Variants in PTGER3 observed in about 807,000 individuals in gnomAD.
PTGER3 encodes the protein prostaglandin E receptor 3.
In PTGER3, 22 loss-of-function variants were observed where a neutral mutation model predicts 34.7. That is an observed-to-expected ratio of 0.63 (90% CI 0.45 to 0.91). The LOEUF (loss-of-function observed/expected upper bound fraction) is 0.91, where lower values mean the gene tolerates loss of function less well. PTGER3 is among the 40% of genes least tolerant of loss of function. The pLI, the probability that PTGER3 is intolerant of heterozygous loss-of-function variation, is 0.00. For missense variants in PTGER3, 468 were observed against 519.4 expected, an observed-to-expected ratio of 0.90 and a Z score of 0.96; for synonymous variants, 241 against 230.1, an observed-to-expected ratio of 1.05 and a Z score of -0.43.
At chr1:70,860,554 G>A (rs990389016) in intron 4 of PTGER3, among the ~76,000 whole-genome samples, 2 of 151,996 alleles carry the variant, frequency 1.3e-5, no homozygotes, top group Non-Finnish European at 2.9e-5. Flanking sequence ...AGATTAGAAG[G>A]GTTTTGTTTT....
intron 4 of PTGER3, among the ~76,000 whole-genome samples, chr1:70,931,266 G>A (rs1161354036): frequency 6.6e-6 from 1 of 152,196 alleles, no homozygotes; most frequent in African/African-American, 2.4e-5. Context: ...GCTTTGCAGG[G>A]TACAGCCCCC....
chr1:71,015,202 C>A (rs888820503), intron 1 of PTGER3, among the ~76,000 whole-genome samples: 1 of 152,062 alleles, frequency 6.6e-6, no homozygotes, highest in African/African-American at 2.4e-5. Flanking sequence ...TGAAGGCCTA[C>A]AATTGTGTGT....
chr1:71,044,236 A>C (rs1257568201), intron 1 of PTGER3, among the ~76,000 whole-genome samples: 1 of 151,422 alleles, frequency 6.6e-6, no homozygotes, highest in Non-Finnish European at 1.5e-5. Context: ...CAGGAGTTCG[A>C]GACCAGCCTG....
At chr1:70,898,127 G>T (rs1277472611) in intron 4 of PTGER3, among the ~76,000 whole-genome samples, 2 of 152,050 alleles carry the variant, frequency 1.3e-5, no homozygotes, top group Non-Finnish European at 2.9e-5. Flanking sequence ...TCTGGGAATT[G>T]TCCATTTGAG....
intron 4 of PTGER3, among the ~76,000 whole-genome samples, chr1:70,935,672 A>ATATAT (rs59431299): frequency 0.014 from 1,925 of 140,162 alleles, 47 homozygotes; most frequent in African/African-American, 0.032. Flanking sequence ...TACAAATATA[A>ATATAT]ATATATATAT....
chr1:71,004,115 C>T (rs1399415002), intron 2 of PTGER3, among the ~76,000 whole-genome samples: 1 of 152,136 alleles, frequency 6.6e-6, no homozygotes, highest in East Asian at 1.9e-4. Flanking sequence ...TTCAAACAAC[C>T]TTGTATGTTA....
intron 4 of PTGER3, among the ~76,000 whole-genome samples, chr1:70,892,825 A>G (rs1646645004): frequency 6.9e-6 from 1 of 144,358 alleles, no homozygotes; most frequent in African/African-American, 2.6e-5. Context: ...TGGGTGACAG[A>G]GCAAGACTCC....
chr1:70,971,677 T>C lies in PTGER3; in HGVS notation c.*53A>G, dbSNP rs961360345. 50 of 1,552,742 alleles carry C rather than the reference T, an allele frequency of 3.2e-5. No individual in the cohort carries two copies. Among genetic ancestry groups the C allele is most frequent in the Non-Finnish European group, 4.2e-5 (48 of 1,152,134 alleles). ...TATCCTTCTCAGGTGGGAAGAAATATGCAAATTCAGGGAAGCAGGAATTGC... is the reference window on the plus strand; with the variant it reads ...TATCCTTCTCAGGTGGGAAGAAATACGCAAATTCAGGGAAGCAGGAATTGC... On this transcript the variant is annotated 3_prime_UTR_variant, in exon 4 of 4. Coordinates refer to ENST00000306666, the MANE Select transcript of PTGER3 (RefSeq NM_198719.2).
At chr1:70,917,773 T>C (rs1647217910) in intron 4 of PTGER3, among the ~76,000 whole-genome samples, 1 of 152,038 alleles carries the variant, frequency 6.6e-6, no homozygotes, top group African/African-American at 2.4e-5. Flanking sequence ...CTCATTGTAG[T>C]TTAATTTGCA....
chr1:70,892,837 C>CAAAAA (rs1176220550), intron 4 of PTGER3, among the ~76,000 whole-genome samples: 2 of 47,896 alleles, frequency 4.2e-5, no homozygotes, highest in East Asian at 9.1e-4. Context: ...CAAGACTCCT[C>CAAAAA]AAAAAAAAAA....
chr1:71,023,768 A>G (rs1658635671), intron 1 of PTGER3, among the ~76,000 whole-genome samples: 1 of 150,938 alleles, frequency 6.6e-6, no homozygotes, highest in Admixed American at 6.6e-5. Context: ...ACATTCCACC[A>G]CATTCACCAT....
At chr1:71,016,096 T>A (rs1657868428) in intron 1 of PTGER3, among the ~76,000 whole-genome samples, 1 of 152,156 alleles carries the variant, frequency 6.6e-6, no homozygotes, top group Non-Finnish European at 1.5e-5. Context: ...CCACACTCAA[T>A]TAATATTTTT....
At chr1:70,993,809 A>G (rs940931467) in intron 2 of PTGER3, among the ~76,000 whole-genome samples, 10 of 152,218 alleles carry the variant, frequency 6.6e-5, no homozygotes, top group African/African-American at 2.4e-4. Context: ...AGAAGAATTG[A>G]TGGAGAAACT....
intron 4 of PTGER3, chr1:70,865,561 C>A: frequency 8.6e-7 from 1 of 1,157,166 alleles, no homozygotes; most frequent in African/African-American, 1.6e-5. Flanking sequence ...TAAAATCAGG[C>A]CACAAAAAGA....
chr1:71,023,016 T>G (rs900329478), intron 1 of PTGER3, among the ~76,000 whole-genome samples: 1 of 151,756 alleles, frequency 6.6e-6, no homozygotes, highest in African/African-American at 2.4e-5. Flanking sequence ...ATGTCCAAAT[T>G]TTTGCCACCT....
chr1:71,004,258 T>TA (rs1656742494), intron 2 of PTGER3, among the ~76,000 whole-genome samples: 1 of 152,230 alleles, frequency 6.6e-6, no homozygotes, highest in African/African-American at 2.4e-5. Context: ...TGTATTTTTT[T>TA]ATCAGACTTT....
At chr1:70,984,662 A>C (rs141821114) in intron 2 of PTGER3, among the ~76,000 whole-genome samples, 1 of 151,388 alleles carries the variant, frequency 6.6e-6, no homozygotes, top group Non-Finnish European at 1.5e-5. Context: ...AGGAGTTAGA[A>C]GATGCAGTGA....
At chr1:70,889,414 C>CAAAAAAA (rs372750310) in intron 4 of PTGER3, among the ~76,000 whole-genome samples, 15 of 63,608 alleles carry the variant, frequency 2.4e-4, no homozygotes, top group African/African-American at 8.7e-4. Flanking sequence ...GACTCCATCT[C>CAAAAAAA]AAAAAAAAAA....
At chr1:70,914,776 T>C (rs922562323) in intron 4 of PTGER3, among the ~76,000 whole-genome samples, 3 of 151,952 alleles carry the variant, frequency 2.0e-5, no homozygotes, top group Non-Finnish European at 4.4e-5. Flanking sequence ...GGATGATTTA[T>C]ATCAAGTAGA....
Sources: allele counts gnomAD v4.1 joint callset (sites outside exome capture counted in the v4.1 genomes callset), GRCh38; gene constraint gnomAD v4.1.1; transcripts MANE v1.5; gene names NCBI Gene and HGNC (gene_info 2026-07-23, HGNC 2026-07-21).